ESRRG: variants seen among roughly 807,000 people sequenced by gnomAD.
ESRRG encodes the protein estrogen related receptor gamma.
A neutral mutation model predicts 44.0 loss-of-function variants in ESRRG; 13 were observed. The ratio of observed to expected loss-of-function variants is 0.30; its 90% CI spans 0.19 to 0.47. The LOEUF (loss-of-function observed/expected upper bound fraction) is 0.47, where lower values mean the gene tolerates loss of function less well. Among genes scored for constraint, ESRRG ranks in the 20% least tolerant of loss-of-function variants. The pLI is 1.00. For missense variants in ESRRG, 395 were observed against 580.6 expected (o/e 0.68, Z 3.29); for synonymous variants, 215 against 214.6 (o/e 1.00, Z -0.02).
intron 2 of ESRRG, among the ~76,000 whole-genome samples, chr1:216,939,024 A>T (rs1397181482): frequency 2.0e-5 from 3 of 152,194 alleles, no homozygotes; most frequent in Non-Finnish European, 4.4e-5. Context: ...AAGTAGACAG[A>T]TATCTCTAGA....
At chr1:216,741,882 C>T (rs1227985931) in intron 2 of ESRRG, among the ~76,000 whole-genome samples, 1 of 152,172 alleles carries the variant, frequency 6.6e-6, no homozygotes, top group Non-Finnish European at 1.5e-5. Flanking sequence ...ATCATCTCTA[C>T]ATTCTCAAAG....
At chr1:216,633,331 G>A (rs544834101) in intron 3 of ESRRG, among the ~76,000 whole-genome samples, 253 of 152,294 alleles carry the variant, frequency 1.7e-3, no homozygotes, top group African/African-American at 5.9e-3. Flanking sequence ...GGGCTTGCAG[G>A]GGCTGGCAGG....
intron 3 of ESRRG, among the ~76,000 whole-genome samples, chr1:216,603,929 A>AAAAAAAAC (rs1212241278): frequency 6.2e-5 from 8 of 129,920 alleles, no homozygotes; most frequent in South Asian, 4.8e-4. Context: ...ACTCTGAATC[A>AAAAAAAAC]AAAAAAACAA....
chr1:216,550,109 G>C (rs2055828407), intron 5 of ESRRG, among the ~76,000 whole-genome samples: 1 of 152,104 alleles, frequency 6.6e-6, no homozygotes, highest in South Asian at 2.1e-4. Context: ...GAACCGCTAG[G>C]AATAATGTAG....
rs1197620592 is a variant in ESRRG at position 216,804,151 on chromosome 1, C to T, written c.-13-126660G>A. On this transcript the variant is annotated intron_variant, in intron 2 of 7. Coordinates refer to the ESRRG transcript ENST00000359162. ...TGCATTTTCAAAATTATTCTCTCAG[C>T]CCTGTGACAATTTAATTAATTTATT... Among the ~76,000 whole-genome samples, 5 of 152,278 alleles carry T rather than the reference C, an allele frequency of 3.3e-5. No individual in the cohort carries two copies. In the East Asian group the frequency reaches 7.7e-4, roughly 24 times the overall value.
chr1:216,700,185 C>A (rs2081121585), intron 1 of ESRRG, among the ~76,000 whole-genome samples: 3 of 151,574 alleles, frequency 2.0e-5, no homozygotes, highest in African/African-American at 7.3e-5. Flanking sequence ...GGGAGTCTTG[C>A]AAAGTTGTTG....
chr1:217,051,076 G>A (rs777306169), intron 1 of ESRRG, among the ~76,000 whole-genome samples: 1 of 151,916 alleles, frequency 6.6e-6, no homozygotes, highest in African/African-American at 2.4e-5. Flanking sequence ...AAGGTTTTGT[G>A]AAAGACTTTT....
At chr1:216,719,681 G>GA (rs5780914) in intron 1 of ESRRG, among the ~76,000 whole-genome samples, 2,902 of 151,760 alleles carry the variant, frequency 0.019, 92 homozygotes, top group African/African-American at 0.066. Context: ...TCAATTTAGG[G>GA]AAAAAAACAG....
rs570544764 is a variant in ESRRG, at chr1:217,052,195, T to C, written c.-106+37312A>G. ...GATGTAGAGGAAGACATACTAAGAA[T>C]GCAAAATGGAATTACACCTTGGATT... is the stretch of plus-strand genomic sequence containing the variant. On this transcript the variant is annotated intron_variant, in intron 1 of 7. Transcript: ENST00000359162. Among the ~76,000 whole-genome samples, 39 of 152,310 alleles carry C rather than the reference T, an allele frequency of 2.6e-4. 1 individual carries two copies. The highest frequency in any genetic ancestry group is 8.4e-4 in the African/African-American group (35 of 41,578).
intron 5 of ESRRG, among the ~76,000 whole-genome samples, chr1:216,560,116 T>G (rs1164469016): frequency 6.6e-6 from 1 of 152,310 alleles, no homozygotes; most frequent in African/African-American, 2.4e-5. Context: ...CTTATGTGAA[T>G]ACATATACTT....
At chr1:216,990,220 A>G (rs1233521970) in intron 1 of ESRRG, among the ~76,000 whole-genome samples, 2 of 152,170 alleles carry the variant, frequency 1.3e-5, no homozygotes, top group Non-Finnish European at 2.9e-5. Context: ...AGAAAAATGG[A>G]TGCTGATCAA....
At chr1:216,531,262 GT>G (rs1291993518) in intron 5 of ESRRG, among the ~76,000 whole-genome samples, 1 of 152,112 alleles carries the variant, frequency 6.6e-6, no homozygotes, top group Non-Finnish European at 1.5e-5. Context: ...CATAATTTGT[GT>G]TCTGGACAGC....
chr1:216,972,061 T>C (rs971641428), intron 1 of ESRRG, among the ~76,000 whole-genome samples: 7 of 152,226 alleles, frequency 4.6e-5, no homozygotes, highest in Non-Finnish European at 7.3e-5. Flanking sequence ...GTAGAGTTTT[T>C]TTTTCTATTT....
Position 216,542,434 on chromosome 1 carries a change from GC to G in ESRRG, c.862+21784del, listed in dbSNP as rs373917841. ...TCAACATGTAATAATGAAAGAGAGA[GC>G]CACATCTCAGCAGCAGTGGATGATG... On this transcript the variant is annotated intron_variant, in intron 5 of 6. Coordinates refer to ENST00000408911, the MANE Select transcript of ESRRG (RefSeq NM_001438.4). 2.8e-4 allele frequency among the ~76,000 whole-genome samples: 42 copies of G among 152,032 alleles called. No individual in the cohort carries two copies. In the East Asian group the frequency reaches 8.0e-3, roughly 29 times the overall value.
At chr1:217,092,831 T>G (rs964611216), upstream of ESRRG, among the ~76,000 whole-genome samples, 3 of 152,220 alleles carry the variant, frequency 2.0e-5, no homozygotes, top group Admixed American at 2.0e-4. Flanking sequence ...AGACCTAGAA[T>G]GCCACTTTTC....
At chr1:216,693,066 T>G (rs2151757137) in intron 1 of ESRRG, among the ~76,000 whole-genome samples, 1 of 152,342 alleles carries the variant, frequency 6.6e-6, no homozygotes, top group Non-Finnish European at 1.5e-5. Context: ...CACACTGCTT[T>G]TCCTTCTCTC....
At chr1:216,696,508 A>G (rs2080190795) in intron 1 of ESRRG, among the ~76,000 whole-genome samples, 1 of 152,224 alleles carries the variant, frequency 6.6e-6, no homozygotes, top group Non-Finnish European at 1.5e-5. Flanking sequence ...CAAAAAAGGT[A>G]ACTTAGTCCT....
chr1:216,965,427 C>T (rs988936552), intron 1 of ESRRG, among the ~76,000 whole-genome samples: 2 of 152,184 alleles, frequency 1.3e-5, no homozygotes, highest in Admixed American at 6.5e-5. Context: ...GTTATCACCA[C>T]AATCATCTCA....
At chr1:216,735,389 G>T (rs976628839) in intron 2 of ESRRG, among the ~76,000 whole-genome samples, 54 of 150,514 alleles carry the variant, frequency 3.6e-4, no homozygotes, top group African/African-American at 1.3e-3. Context: ...AAAATTGTTT[G>T]TAGAGATAGG....
Sources: gnomAD v4.1 joint callset for allele counts (sites outside exome capture counted in the v4.1 genomes callset) on GRCh38, gnomAD v4.1.1 for gene constraint, MANE v1.5 for transcripts, NCBI Gene and HGNC (gene_info 2026-07-23, HGNC 2026-07-21) for gene names.